ARHGAP17: variants seen among roughly 807,000 people sequenced by gnomAD.
The protein encoded by ARHGAP17 is Rho GTPase activating protein 17.
In ARHGAP17, 57 loss-of-function variants were observed where a neutral mutation model predicts 99.5. The ratio of observed to expected loss-of-function variants is 0.57; its 90% CI spans 0.46 to 0.71. The LOEUF is 0.71. ARHGAP17 is among the 30% of genes least tolerant of loss of function. The pLI, the probability that ARHGAP17 is intolerant of heterozygous loss-of-function variation, is 0.00. For synonymous variants in ARHGAP17, 417 were observed against 429.6 expected, an observed-to-expected ratio of 0.97 and a Z score of 0.36; for missense variants, 1,000 against 1,122.4, an observed-to-expected ratio of 0.89 and a Z score of 1.56.
chr16:25,008,467 C>T (rs2053562318), intron 1 of ARHGAP17, among the ~76,000 whole-genome samples: 1 of 152,204 alleles, frequency 6.6e-6, no homozygotes, highest in Admixed American at 6.5e-5. Context: ...GGGCCTATTA[C>T]ACTTTTAATC....
intron 19 of ARHGAP17, among the ~76,000 whole-genome samples, chr16:24,926,878 G>A (rs2030948429): frequency 6.6e-6 from 1 of 152,186 alleles, no homozygotes. Flanking sequence ...CCTGTGTTTG[G>A]GTCCTAGAAG....
At chr16:24,946,887 TG>T (rs2051489057) in intron 14 of ARHGAP17, among the ~76,000 whole-genome samples, 1 of 152,258 alleles carries the variant, frequency 6.6e-6, no homozygotes, top group Non-Finnish European at 1.5e-5. Flanking sequence ...CCTGCTTCTT[TG>T]GATCTTCCTT....
intron 15 of ARHGAP17, 50 bp from the exon 16 acceptor site, chr16:24,942,193 G>A (rs1433771983): frequency 9.0e-6 from 14 of 1,547,180 alleles, no homozygotes; most frequent in South Asian, 5.0e-5. Flanking sequence ...CACAGCAGGC[G>A]AGGGAGCTCT....
At chr16:24,925,925 AT>A (rs1555540693) in intron 19 of ARHGAP17, among the ~76,000 whole-genome samples, 8 of 152,076 alleles carry the variant, frequency 5.3e-5, no homozygotes, top group Non-Finnish European at 1.2e-4. Flanking sequence ...CTTGGCTAAC[AT>A]GGTGAAACCC....
At chr16:24,943,731 A>T (rs761718768) in intron 15 of ARHGAP17, 40 bp downstream of exon 15, 1 of 1,550,458 alleles carries the variant, frequency 6.4e-7, no homozygotes. Flanking sequence ...TACGATTATC[A>T]CATTGCTTTG....
intron 17 of ARHGAP17, among the ~76,000 whole-genome samples, chr16:24,938,769 C>G (rs1373634699): frequency 5.2e-5 from 7 of 135,814 alleles, no homozygotes; most frequent in Non-Finnish European, 1.1e-4. Context: ...AAGACGCAGT[C>G]TCAGAAAAAA....
At chr16:25,012,135 C>A (rs1210565926) in intron 1 of ARHGAP17, among the ~76,000 whole-genome samples, 1 of 152,176 alleles carries the variant, frequency 6.6e-6, no homozygotes, top group Non-Finnish European at 1.5e-5. Context: ...CAACAAGTGT[C>A]TGTTGAATGC....
intron 1 of ARHGAP17, among the ~76,000 whole-genome samples, chr16:25,014,262 C>A (rs2053722153): frequency 6.6e-6 from 1 of 152,354 alleles, no homozygotes; most frequent in Middle Eastern, 3.4e-3. Flanking sequence ...ACTTTCGTAT[C>A]TCTTTGCTGA....
chr16:24,966,683 C>T (rs906968392), intron 6 of ARHGAP17, among the ~76,000 whole-genome samples: 1 of 151,658 alleles, frequency 6.6e-6, no homozygotes, highest in Non-Finnish European at 1.5e-5. Flanking sequence ...ACTCGAGAGG[C>T]TGAGGCAGGA....
intron 1 of ARHGAP17, among the ~76,000 whole-genome samples, chr16:24,982,403 C>CA (rs60378888): frequency 2.1e-5 from 3 of 146,078 alleles, no homozygotes; most frequent in South Asian, 2.2e-4. Flanking sequence ...GACTCTGTCT[C>CA]AAAAAAACAA....
At chr16:24,947,659 T>C in intron 13 of ARHGAP17, 64 bp from the exon 14 acceptor site, 2 of 1,381,684 alleles carry the variant, frequency 1.4e-6, no homozygotes, top group Non-Finnish European at 2.0e-6. Flanking sequence ...GTTCTCTTCC[T>C]GCCTGGGTGC....
intron 16 of ARHGAP17, 193 bp downstream of exon 16, chr16:24,941,794 A>T: frequency 1.5e-6 from 1 of 680,986 alleles, no homozygotes; most frequent in South Asian, 1.9e-5. Context: ...TTAACTGAGA[A>T]GCTACACACT....
chr16:24,935,618 A>G lies in ARHGAP17; in HGVS notation c.1746T>C (p.Pro582=), dbSNP rs780390002. 14 of 1,613,998 alleles carry G rather than the reference A, an allele frequency of 8.7e-6. No individual in the cohort carries two copies. Among genetic ancestry groups the G allele is most frequent in the South Asian group, 2.2e-5 (2 of 91,090 alleles). The change falls in exon 18 of 20, where the codon CCT becomes CCC. Residue 582 remains proline (P), a synonymous_variant. Coordinates refer to ENST00000289968, the MANE Select transcript of ARHGAP17 (RefSeq NM_001006634.3). The part of the protein sequence containing the change: ...GDGSPPKPKD[P]VSAAVPAPGR... ...CTGGTGCTGGCACAGCTGCAGATAC[A>G]GGGTCCTTCGGTTTGGGAGGACTAA... is the stretch of plus-strand genomic sequence containing the variant.
At chr16:25,005,059 C>CGCCT (rs2053469990) in intron 1 of ARHGAP17, among the ~76,000 whole-genome samples, 2 of 152,152 alleles carry the variant, frequency 1.3e-5, no homozygotes, top group African/African-American at 2.4e-5. Context: ...GGATTACAGG[C>CGCCT]GCCTGCCTGC....
At chr16:24,959,484 T>A (rs560923268) in intron 9 of ARHGAP17, among the ~76,000 whole-genome samples, 187 bp downstream of exon 9, 46 of 152,200 alleles carry the variant, frequency 3.0e-4, no homozygotes, top group Non-Finnish European at 4.1e-4. Context: ...ATTAGTGTGT[T>A]AATTTGGGTT....
intron 19 of ARHGAP17, among the ~76,000 whole-genome samples, chr16:24,926,674 G>A (rs567362186): frequency 5.3e-5 from 8 of 152,360 alleles, no homozygotes; most frequent in African/African-American, 1.7e-4. Flanking sequence ...GCTACTTTGT[G>A]AGTGATTTGG....
chr16:24,986,890 TC>T (rs1295182716), intron 1 of ARHGAP17, among the ~76,000 whole-genome samples: 1 of 152,200 alleles, frequency 6.6e-6, no homozygotes, highest in African/African-American at 2.4e-5. Context: ...CTCTGATAAT[TC>T]AGTCCAAATG....
At chr16:25,006,027 G>A (rs1301136544) in intron 1 of ARHGAP17, among the ~76,000 whole-genome samples, 3 of 152,116 alleles carry the variant, frequency 2.0e-5, no homozygotes, top group Non-Finnish European at 4.4e-5. Context: ...TTAGAGGTGA[G>A]CAGCTATAAT....
At chr16:24,982,965 CATATATATATATAT>C (rs144714067) in intron 1 of ARHGAP17, among the ~76,000 whole-genome samples, 353 of 32,724 alleles carry the variant, frequency 0.011, 8 homozygotes, top group Middle Eastern at 0.04. Context: ...CTTGATAAAT[CATATATATATATAT>C]ATATATATAT....
Sources: gnomAD v4.1 joint callset for allele counts (sites outside exome capture counted in the v4.1 genomes callset) on GRCh38, gnomAD v4.1.1 for gene constraint, MANE v1.5 for transcripts, NCBI Gene and HGNC (gene_info 2026-07-23, HGNC 2026-07-21) for gene names.